The following PPHLN1 variants were observed in gnomAD, a reference collection of about 807,000 sequenced individuals.
The protein encoded by PPHLN1 is periphilin 1.
A neutral mutation model predicts 51.3 loss-of-function variants in PPHLN1; 29 were observed. That is an observed-to-expected ratio of 0.57 (90% CI 0.42 to 0.77). The LOEUF (loss-of-function observed/expected upper bound fraction) is 0.77, where lower values mean the gene tolerates loss of function less well. Among genes scored for constraint, PPHLN1 ranks in the 30% least tolerant of loss-of-function variants. The probability of loss-of-function intolerance (pLI) is 0.00; values close to 1 mark genes in which losing one functional copy is unlikely to be tolerated. For missense variants in PPHLN1, 436 were observed against 438.4 expected, an observed-to-expected ratio of 0.99 and a Z score of 0.05; for synonymous variants, 147 against 147.8, an observed-to-expected ratio of 0.99 and a Z score of 0.04.
downstream of PPHLN1, chr12:42,442,579 C>A: frequency 6.2e-7 from 1 of 1,606,764 alleles, no homozygotes. Flanking sequence ...CGGCAGTCCC[C>A]TAGCCATTCT....
At chr12:42,407,514 T>G (rs2079421468) in intron 9 of PPHLN1, among the ~76,000 whole-genome samples, 1 of 152,232 alleles carries the variant, frequency 6.6e-6, no homozygotes. Context: ...ACTTCTGCCT[T>G]GTTCTGTCCA....
At chr12:42,399,950 TG>T (rs927910540) in intron 9 of PPHLN1, 1 of 152,136 alleles carries the variant, frequency 6.6e-6, no homozygotes, top group African/African-American at 2.4e-5. Flanking sequence ...ACCAATTAAA[TG>T]AGAGCATAAG....
Position 42,375,049 on chromosome 12 carries a change from C to T in PPHLN1, c.486C>T (p.Tyr162=). ...RSYSPERSKS[Y]SFHQSQHRKS... is the part of the protein sequence containing the mutation. Reference sequence around the variant, plus strand: ...ACTCTCCAGAAAGGAGCAAATCATACTCTTTCCATCAGTCTCAACATAGAA... The same window carrying T: ...ACTCTCCAGAAAGGAGCAAATCATATTCTTTCCATCAGTCTCAACATAGAA... The change falls in exon 5 of 10, where the codon TAC becomes TAT. Residue 162 remains tyrosine, a synonymous_variant. Transcript: ENST00000358314. 6.2e-7 allele frequency: 1 copy of T among 1,611,120 alleles called. No individual in the cohort carries two copies. The highest frequency in any genetic ancestry group is 8.5e-7 in the Non-Finnish European group (1 of 1,177,908).
intron 8 of PPHLN1, among the ~76,000 whole-genome samples, chr12:42,397,067 A>G (rs1361745260): frequency 6.6e-6 from 1 of 151,512 alleles, no homozygotes; most frequent in African/African-American, 2.4e-5. Flanking sequence ...TCAGTAGAAC[A>G]GGTCACTTCC....
intron 9 of PPHLN1, among the ~76,000 whole-genome samples, chr12:42,428,820 CTTT>C (rs59053077): frequency 1.7e-4 from 20 of 117,948 alleles, no homozygotes; most frequent in Non-Finnish European, 2.0e-4. Flanking sequence ...TTTTTAACTT[CTTT>C]TTTTTTTTTT....
intron 9 of PPHLN1, chr12:42,432,158 T>A (rs2082094005): frequency 1.1e-6 from 1 of 930,462 alleles, no homozygotes; most frequent in Non-Finnish European, 1.8e-6. Context: ...CTCGATCATC[T>A]TCTTCAATGA....
At chr12:42,364,844 C>T (rs1197343380) in intron 4 of PPHLN1, among the ~76,000 whole-genome samples, 2 of 152,150 alleles carry the variant, frequency 1.3e-5, no homozygotes, top group African/African-American at 4.8e-5. Flanking sequence ...TCACTTGGAC[C>T]TGGGAGGCGG....
intron 9 of PPHLN1, chr12:42,400,102 G>A (rs1355658497): frequency 2.0e-5 from 3 of 151,834 alleles, no homozygotes; most frequent in South Asian, 4.2e-4. Context: ...TGAAAACAAG[G>A]GCTTTGTTTT....
At position 42,441,692 on chromosome 12, in the gene PPHLN1, T is replaced by G; in HGVS notation, c.*183T>G. 4.7e-6 allele frequency: 6 copies of G among 1,274,004 alleles called. 1 individual carries two copies. In the African/African-American group the frequency reaches 7.7e-5, roughly 16 times the overall value. The allele number at this position is 1,274,004 out of a possible 1,614,324, so 78.9% of individuals were successfully genotyped here. A position where few individuals can be genotyped will look rare whatever the true frequency, so the allele number is the denominator to read the frequency against. On this transcript the variant is annotated 3_prime_UTR_variant, in exon 10 of 10. Transcript: ENST00000358314. ...GTTTAAAATGTTTGATTCAAATTTTTGTATTTTTTGTAGAGATGGGGTTCA... is the reference window on the plus strand; with the variant it reads ...GTTTAAAATGTTTGATTCAAATTTTGGTATTTTTTGTAGAGATGGGGTTCA...
chr12:42,397,775 C>T (rs1221008223), intron 8 of PPHLN1, among the ~76,000 whole-genome samples: 2 of 151,910 alleles, frequency 1.3e-5, no homozygotes, highest in Non-Finnish European at 1.5e-5. Context: ...CTGGCTCTGT[C>T]GCCAGGCTGG....
chr12:42,437,391 G>T (rs2082571730), intron 9 of PPHLN1, among the ~76,000 whole-genome samples: 1 of 152,156 alleles, frequency 6.6e-6, no homozygotes, highest in African/African-American at 2.4e-5. Context: ...GCACTATTCT[G>T]AGTGTTCTGT....
chr12:42,345,385 C>T (rs989115415), intron 2 of PPHLN1, among the ~76,000 whole-genome samples: 1 of 151,012 alleles, frequency 6.6e-6, no homozygotes, highest in Admixed American at 6.6e-5. Flanking sequence ...TTTTTAATAC[C>T]CTGCCAGAGT....
intron 5 of PPHLN1, among the ~76,000 whole-genome samples, chr12:42,379,216 G>A (rs2076559843): frequency 6.6e-6 from 1 of 151,464 alleles, no homozygotes. Context: ...AAATCACTAA[G>A]TTCAGTCTCC....
At chr12:42,391,413 A>ATATG (rs1175330273) in intron 7 of PPHLN1, among the ~76,000 whole-genome samples, 3 of 151,790 alleles carry the variant, frequency 2.0e-5, no homozygotes, top group Non-Finnish European at 4.4e-5. Flanking sequence ...TAATTTTTGT[A>ATATG]TATGTAGTAG....
At chr12:42,422,655 A>G (rs1307158731) in intron 9 of PPHLN1, among the ~76,000 whole-genome samples, 1 of 152,244 alleles carries the variant, frequency 6.6e-6, no homozygotes, top group African/African-American at 2.4e-5. Flanking sequence ...TAAAAAATCA[A>G]TTTTAATAAA....
intron 8 of PPHLN1, 116 bp downstream of exon 8, chr12:42,393,805 C>CAGGTATT (rs1369841575): frequency 1.2e-5 from 12 of 1,032,768 alleles, no homozygotes; most frequent in Non-Finnish European, 1.6e-5. Context: ...TTATGGATTA[C>CAGGTATT]AGGTATTAAA....
At position 42,326,167 on chromosome 12, in the gene PPHLN1, A is replaced by G. The variant is rs1462947828; in HGVS notation, c.-83A>G. 1 of 152,282 alleles carries G rather than the reference A, an allele frequency of 6.6e-6. No homozygotes were observed. Among genetic ancestry groups the G allele is most frequent in the African/African-American group, 2.4e-5 (1 of 41,454 alleles). The allele number at this position is 152,282 out of a possible 1,614,324, so 9.4% of individuals were successfully genotyped here. ...GTCATTGCGCGCGCCGGAAGTACCTACCTGGGATAACGGCGGCGAGCGGAC... is the reference window on the plus strand; with the variant it reads ...GTCATTGCGCGCGCCGGAAGTACCTGCCTGGGATAACGGCGGCGAGCGGAC... On this transcript the variant is annotated 5_prime_UTR_variant, in exon 1 of 10. Transcript: ENST00000358314.
intron 9 of PPHLN1, among the ~76,000 whole-genome samples, chr12:42,413,526 A>ATG (rs71084648): frequency 0.068 from 9,281 of 136,360 alleles, 366 homozygotes; most frequent in East Asian, 0.12. Flanking sequence ...ATATATGTAT[A>ATG]TGTGTGTGTG....
chr12:42,411,854 A>G (rs2079865317), intron 9 of PPHLN1, among the ~76,000 whole-genome samples: 2 of 132,786 alleles, frequency 1.5e-5, no homozygotes, highest in Admixed American at 1.8e-4. Context: ...CAGTGTGTGG[A>G]GATCGTGCCC....
Sources: gnomAD v4.1 joint callset for allele counts (sites outside exome capture counted in the v4.1 genomes callset) on GRCh38, gnomAD v4.1.1 for gene constraint, MANE v1.5 for transcripts, NCBI Gene and HGNC (gene_info 2026-07-23, HGNC 2026-07-21) for gene names.